CCSER1: variants seen among roughly 807,000 people sequenced by gnomAD.
The protein encoded by CCSER1 is serine-rich coiled-coil domain-containing protein 1.
In CCSER1, 41 loss-of-function variants were observed where a neutral mutation model predicts 82.0. That is an observed-to-expected ratio of 0.50 (90% CI 0.39 to 0.65). The LOEUF is 0.65. Among genes scored for constraint, CCSER1 ranks in the 30% least tolerant of loss-of-function variants. The pLI is 0.00. For synonymous variants in CCSER1, 414 were observed against 383.9 expected (o/e 1.08, Z -0.92); for missense variants, 1,119 against 1,064.2 (o/e 1.05, Z -0.72).
chr4:90,917,263 G>C (rs1017800783), intron 8 of CCSER1, among the ~76,000 whole-genome samples: 2 of 152,104 alleles, frequency 1.3e-5, no homozygotes, highest in African/African-American at 2.4e-5. Flanking sequence ...TTGGAACCAA[G>C]CCAAATGTCC....
At chr4:91,136,681 C>G (rs1728497840) in intron 10 of CCSER1, among the ~76,000 whole-genome samples, 1 of 152,106 alleles carries the variant, frequency 6.6e-6, no homozygotes, top group African/African-American at 2.4e-5. Flanking sequence ...TGAATTTATT[C>G]AAACTTTACC....
At chr4:90,953,884 T>G (rs967238480) in intron 9 of CCSER1, among the ~76,000 whole-genome samples, 8 of 130,764 alleles carry the variant, frequency 6.1e-5, no homozygotes, top group African/African-American at 1.9e-4. Context: ...CACATAGCTT[T>G]TCCAATAGTC....
chr4:91,046,549 T>C (rs1742505404), intron 9 of CCSER1, among the ~76,000 whole-genome samples: 1 of 152,204 alleles, frequency 6.6e-6, no homozygotes, highest in Admixed American at 6.5e-5. Context: ...ATCTAAGTAT[T>C]GTGTTCCTGA....
intron 10 of CCSER1, among the ~76,000 whole-genome samples, chr4:91,450,894 G>A (rs563023690): frequency 6.6e-6 from 1 of 151,938 alleles, no homozygotes; most frequent in Non-Finnish European, 1.5e-5. Context: ...AAGCCAGGAT[G>A]GGAAAAAAGT....
At chr4:90,567,799 G>C (rs1201538212) in intron 5 of CCSER1, among the ~76,000 whole-genome samples, 1 of 151,754 alleles carries the variant, frequency 6.6e-6, no homozygotes, top group Non-Finnish European at 1.5e-5. Context: ...TAGAGACAGA[G>C]TTTTACTATG....
chr4:91,246,889 C>T (rs903941356), intron 10 of CCSER1, among the ~76,000 whole-genome samples: 2 of 151,224 alleles, frequency 1.3e-5, no homozygotes, highest in African/African-American at 4.9e-5. Flanking sequence ...AGAGACTCAA[C>T]AATATTTGCA....
intron 1 of CCSER1, among the ~76,000 whole-genome samples, chr4:90,137,788 G>C (rs1723964682): frequency 6.6e-6 from 1 of 152,132 alleles, no homozygotes; most frequent in Non-Finnish European, 1.5e-5. Flanking sequence ...TGCAAAACAT[G>C]CCGTTTTTGT....
intron 10 of CCSER1, among the ~76,000 whole-genome samples, chr4:91,129,586 G>A (rs969665160): frequency 6.6e-6 from 1 of 151,870 alleles, no homozygotes; most frequent in Non-Finnish European, 1.5e-5. Flanking sequence ...TAAGCCATGG[G>A]ACCAAAATAA....
intron 1 of CCSER1, among the ~76,000 whole-genome samples, chr4:90,253,076 A>C (rs1044864942): frequency 5.9e-5 from 9 of 151,914 alleles, no homozygotes; most frequent in Non-Finnish European, 1.2e-4. Context: ...TTGTCATTTA[A>C]CTTTTTGTTT....
chr4:91,065,628 G>T (rs1720734543), intron 9 of CCSER1, among the ~76,000 whole-genome samples: 1 of 151,904 alleles, frequency 6.6e-6, no homozygotes, highest in Non-Finnish European at 1.5e-5. Context: ...GTTATTGTCT[G>T]TAGAATAAAG....
chr4:91,462,326 CTT>C (rs1756554082), intron 10 of CCSER1, among the ~76,000 whole-genome samples: 1 of 152,202 alleles, frequency 6.6e-6, no homozygotes, highest in Admixed American at 6.5e-5. Flanking sequence ...TCTTCTAAAA[CTT>C]TATATTTTTG....
intron 10 of CCSER1, among the ~76,000 whole-genome samples, chr4:91,096,588 G>A (rs1042779098): frequency 7.9e-5 from 12 of 152,134 alleles, no homozygotes; most frequent in Admixed American, 6.6e-4. Flanking sequence ...GACCTGTCCA[G>A]GCTTCCTTCT....
chr4:91,459,791 T>A (rs12649845), intron 10 of CCSER1, among the ~76,000 whole-genome samples: 15,394 of 152,198 alleles, frequency 0.1, 853 homozygotes, highest in Non-Finnish European at 0.12. Context: ...TCCATCAGTA[T>A]TTTTAACTTT....
At chr4:90,247,395 G>A (rs768989899) in intron 1 of CCSER1, among the ~76,000 whole-genome samples, 5 of 151,926 alleles carry the variant, frequency 3.3e-5, no homozygotes, top group African/African-American at 1.2e-4. Context: ...CAACAATATC[G>A]GAATAATATA....
chr4:91,052,485 G>A (rs142511032), intron 9 of CCSER1, among the ~76,000 whole-genome samples: 125 of 151,976 alleles, frequency 8.2e-4, no homozygotes, highest in African/African-American at 2.5e-3. Context: ...ATGTCATCCC[G>A]TCTATGATCT....
intron 1 of CCSER1, among the ~76,000 whole-genome samples, chr4:90,161,549 A>G (rs1729440491): frequency 6.6e-6 from 1 of 152,026 alleles, no homozygotes. Flanking sequence ...TCTATCTCAG[A>G]TCTCTTTTTT....
chr4:90,568,103 C>T (rs1286068560), intron 5 of CCSER1, among the ~76,000 whole-genome samples: 1 of 152,104 alleles, frequency 6.6e-6, no homozygotes, highest in Non-Finnish European at 1.5e-5. Flanking sequence ...GTTTTGTGGC[C>T]TAACATGATC....
intron 7 of CCSER1, among the ~76,000 whole-genome samples, chr4:90,801,993 G>C (rs778173257): frequency 6.6e-6 from 1 of 151,974 alleles, no homozygotes; most frequent in African/African-American, 2.4e-5. Flanking sequence ...GCCAAGCGGG[G>C]TGGATCACGA....
At chr4:91,329,686 G>A (rs923995076) in intron 10 of CCSER1, among the ~76,000 whole-genome samples, 2 of 152,114 alleles carry the variant, frequency 1.3e-5, no homozygotes, top group Admixed American at 1.3e-4. Flanking sequence ...TCTCTCTTGT[G>A]TCTCTTCTCA....
Sources: gnomAD v4.1 joint callset for allele counts (sites outside exome capture counted in the v4.1 genomes callset) on GRCh38, gnomAD v4.1.1 for gene constraint, MANE v1.5 for transcripts, NCBI Gene and HGNC (gene_info 2026-07-23, HGNC 2026-07-21) for gene names.